WDR25: variants seen among roughly 807,000 people sequenced by gnomAD.
WDR25 encodes the protein WD repeat-containing protein 25.
In WDR25, 35 loss-of-function variants were observed where a neutral mutation model predicts 47.7. The observed-to-expected ratio is 0.73, with a 90% CI of 0.56 to 0.97. The LOEUF (loss-of-function observed/expected upper bound fraction) is 0.97. Among genes scored for constraint, WDR25 ranks in the 50% least tolerant of loss-of-function variants. WDR25 has a pLI of 0.00. For missense variants in WDR25, 634 were observed against 704.7 expected (o/e 0.90, Z 1.14); for synonymous variants, 248 against 278.9 (o/e 0.89, Z 1.10).
At chr14:100,452,999 G>A (rs1297306568) in intron 2 of WDR25, among the ~76,000 whole-genome samples, 1 of 152,058 alleles carries the variant, frequency 6.6e-6, no homozygotes, top group Admixed American at 6.6e-5. Flanking sequence ...GAGAGAGGAT[G>A]GTGCTCAGAG....
chr14:100,517,118 T>G (rs1354381784), intron 4 of WDR25, among the ~76,000 whole-genome samples: 1 of 144,454 alleles, frequency 6.9e-6, no homozygotes, highest in Non-Finnish European at 1.5e-5. Context: ...TTTTTTTTTT[T>G]TTTTTTTTTT....
chr14:100,454,502 C>T (rs772566570), intron 2 of WDR25: 1 of 1,201,914 alleles, frequency 8.3e-7, no homozygotes, highest in South Asian at 1.3e-5. Flanking sequence ...CCACAGCTAA[C>T]AACTATAAAC....
Position 100,522,070 on chromosome 14 carries a change from TTTCTGTAGAGCTA to T in WDR25, c.1102-3797_1102-3785del, listed in dbSNP as rs141655396. On this transcript the variant is annotated intron_variant, in intron 4 of 6. Coordinates refer to ENST00000402312, the MANE Select transcript of WDR25 (RefSeq NM_001161476.3). Reference sequence around the variant, plus strand: ...TCTGAGCTCTGTTTCCTTGCCCGTTTTTCTGTAGAGCTATTGGTCTTTTTCATCTATTTTTAGG... The same window carrying T: ...TCTGAGCTCTGTTTCCTTGCCCGTTTTTGGTCTTTTTCATCTATTTTTAGG... 8.9e-3 allele frequency among the ~76,000 whole-genome samples: 1,354 copies of T among 152,334 alleles called. 31 individuals are homozygous for T. The highest frequency in any genetic ancestry group is 0.031 in the African/African-American group (1,292 of 41,554).
rs188977876 is a variant in WDR25 at position 100,474,439 on chromosome 14, A to G, written c.970+6271A>G. 2.0e-5 allele frequency among the ~76,000 whole-genome samples: 3 copies of G among 152,324 alleles called. No individual in the cohort carries two copies. In the East Asian group the frequency reaches 5.8e-4, roughly 29 times the overall value. ...TCTAATTCAAATTCTTGTTTTGTTC[A>G]TGACCGTGACTGCACAGTAGTGATG... is the stretch of plus-strand genomic sequence containing the variant. On this transcript the variant is annotated intron_variant, in intron 3 of 6. Coordinates refer to ENST00000402312, the MANE Select transcript of WDR25 (RefSeq NM_001161476.3).
chr14:100,416,785 GC>G (rs750650675), intron 2 of WDR25, among the ~76,000 whole-genome samples: 1 of 152,308 alleles, frequency 6.6e-6, no homozygotes. Flanking sequence ...GTCCCCAGAT[GC>G]CCAGGGAGAA....
chr14:100,400,293 C>T (rs1897346688), intron 2 of WDR25, among the ~76,000 whole-genome samples: 1 of 152,252 alleles, frequency 6.6e-6, no homozygotes, highest in Non-Finnish European at 1.5e-5. Context: ...ACCCACATGG[C>T]TGCACATTAA....
intron 4 of WDR25, among the ~76,000 whole-genome samples, chr14:100,491,027 G>T (rs1390740377): frequency 1.3e-5 from 2 of 152,206 alleles, no homozygotes; most frequent in Non-Finnish European, 2.9e-5. Flanking sequence ...GTCTTTCTTG[G>T]CTCCCATTTC....
chr14:100,380,959 TG>T lies in WDR25; in HGVS notation c.37del (p.Val13Ter). On this transcript the variant is annotated frameshift_variant, in exon 2 of 7. Transcript: ENST00000402312. LOFTEE classifies it high-confidence loss of function. ...AGAACTCTGTCTTTAATGGCTTCAT[TG>T]GTAGCGTATGATGATTCGGACTCGG... is the stretch of plus-strand genomic sequence containing the variant. ...TARTLSLMASLVAYDDSDSEA... is the reference protein window; with the variant it reads ...TARTLSLMASXVAYDDSDSEA... 1.2e-6 allele frequency: 2 copies of T among 1,614,138 alleles called. No homozygotes were observed. The highest frequency in any genetic ancestry group is 1.7e-6 in the Non-Finnish European group (2 of 1,179,968).
intron 3 of WDR25, among the ~76,000 whole-genome samples, chr14:100,470,216 G>A (rs553151254): frequency 6.6e-6 from 1 of 152,278 alleles, no homozygotes; most frequent in Non-Finnish European, 1.5e-5. Flanking sequence ...ACAGGAACAG[G>A]GTTCCATGTA....
chr14:100,452,586 G>GA (rs1478025803), intron 2 of WDR25, among the ~76,000 whole-genome samples: 4 of 152,030 alleles, frequency 2.6e-5, no homozygotes, highest in African/African-American at 9.7e-5. Context: ...CCTTGAGGGG[G>GA]AAGATGCTGG....
chr14:100,466,508 G>C (rs1014628268), intron 2 of WDR25, among the ~76,000 whole-genome samples: 3 of 152,202 alleles, frequency 2.0e-5, no homozygotes, highest in African/African-American at 7.2e-5. Context: ...AATGGAACAG[G>C]TCTGGAATCC....
chr14:100,459,951 TAC>T (rs1306058429), intron 2 of WDR25, among the ~76,000 whole-genome samples: 1,240 of 92,286 alleles, frequency 0.013, 42 homozygotes, highest in Middle Eastern at 0.052. Flanking sequence ...CACATACACA[TAC>T]ACACACATAT....
intron 2 of WDR25, among the ~76,000 whole-genome samples, chr14:100,408,504 C>T (rs1471992109): frequency 6.6e-6 from 1 of 152,108 alleles, no homozygotes; most frequent in Non-Finnish European, 1.5e-5. Context: ...GTCTCTTTTC[C>T]CTCCAGCGCC....
At chr14:100,419,995 C>T (rs1897980109) in intron 2 of WDR25, among the ~76,000 whole-genome samples, 1 of 152,248 alleles carries the variant, frequency 6.6e-6, no homozygotes, top group African/African-American at 2.4e-5. Flanking sequence ...TTGCCTTGGG[C>T]TTGTGTGAGA....
intron 4 of WDR25, among the ~76,000 whole-genome samples, chr14:100,489,858 C>T (rs1166878023): frequency 2.0e-5 from 3 of 152,242 alleles, no homozygotes; most frequent in Non-Finnish European, 4.4e-5. Flanking sequence ...ATTCTCTGCT[C>T]GCTCTGGGAC....
In WDR25 at chr14:100,425,167, G is replaced by T. The variant is rs369916512; in HGVS notation, c.823-42854G>T. 3.3e-5 allele frequency among the ~76,000 whole-genome samples: 5 copies of T among 152,218 alleles called. No homozygotes were observed. The highest frequency in any genetic ancestry group is 1.2e-4 in the African/African-American group (5 of 41,472). ...GTGTCCCTTGCTGGCCCCATGGCCT[G>T]CAGGGCTCAGGATCAAGTTCCTCTT... On this transcript the variant is annotated intron_variant, in intron 2 of 6. Transcript: ENST00000402312. The surrounding 1 kb of genome is among the most constrained non-coding windows in gnomAD (Gnocchi z 4.8).
intron 5 of WDR25, 40 bp downstream of exon 5, chr14:100,526,080 CAG>C (rs1447119179): frequency 6.2e-7 from 1 of 1,608,060 alleles, no homozygotes; most frequent in Non-Finnish European, 8.5e-7. Context: ...GTTTCAGCCA[CAG>C]AGCGTATCCA....
At chr14:100,417,685 G>A (rs762086033) in intron 2 of WDR25, among the ~76,000 whole-genome samples, 1 of 152,204 alleles carries the variant, frequency 6.6e-6, no homozygotes, top group African/African-American at 2.4e-5. Flanking sequence ...TGGAGAGTGA[G>A]TCAGGAATAC....
chr14:100,458,128 C>T (rs1268401329), intron 2 of WDR25, among the ~76,000 whole-genome samples: 2 of 152,036 alleles, frequency 1.3e-5, no homozygotes, highest in Non-Finnish European at 2.9e-5. Flanking sequence ...GATAAAAAGT[C>T]AAGACTCAGT....
Sources: gnomAD v4.1 joint callset for allele counts (sites outside exome capture counted in the v4.1 genomes callset) on GRCh38, gnomAD v4.1.1 for gene constraint, Gnocchi (gnomAD v3.1) non-coding constraint, MANE v1.5 for transcripts, NCBI Gene and HGNC (gene_info 2026-07-23, HGNC 2026-07-21) for gene names.